SIAE: variants seen among roughly 807,000 people sequenced by gnomAD.
SIAE encodes the protein sialic acid acetylesterase.
SIAE carries 39 observed loss-of-function variants against 52.6 expected under a neutral mutation model. That is an observed-to-expected ratio of 0.74 (90% confidence interval 0.57 to 0.97). The LOEUF is 0.97. Ranked by LOEUF, SIAE falls within the 50% of genes least tolerant of loss-of-function variation. The pLI is 0.00. For synonymous variants in SIAE, 233 were observed against 241.4 expected (o/e 0.97, Z 0.32); for missense variants, 592 against 662.1 (o/e 0.89, Z 1.16).
In SIAE at chr11:124,673,734, A is replaced by G. The variant is rs1249549428; in HGVS notation, c.-26T>C. ...GCTTGCAAGGATCTGACCGCCGCCT[A>G]GGACTGGGAAAGTGGGTTCCCGGCA... On this transcript the variant is annotated 5_prime_UTR_variant, in exon 1 of 10. Transcript: ENST00000263593. 6.8e-6 allele frequency: 11 copies of G among 1,611,124 alleles called. No individual in the cohort carries two copies. Among genetic ancestry groups the G allele is most frequent in the Non-Finnish European group, 9.3e-6 (11 of 1,178,880 alleles).
chr11:124,674,420 C>G (rs1317427470), upstream of SIAE: 1 of 152,262 alleles, frequency 6.6e-6, no homozygotes, highest in Non-Finnish European at 1.5e-5. Context: ...CCGTCCAGTT[C>G]TCCCAACCTG....
At chr11:124,641,478 A>AAT (rs1229100119) in intron 7 of SIAE, among the ~76,000 whole-genome samples, 2 of 152,348 alleles carry the variant, frequency 1.3e-5, no homozygotes, top group Middle Eastern at 3.4e-3. Context: ...TGTATTAAAC[A>AAT]ATAAAGAACC....
Position 124,648,086 on chromosome 11 carries a change from T to G in SIAE, c.812A>C (p.Lys271Thr). 6.2e-7 allele frequency: 1 copy of G among 1,613,762 alleles called. No individual in the cohort carries two copies. Among genetic ancestry groups the G allele is most frequent in the Non-Finnish European group, 8.5e-7 (1 of 1,179,684 alleles). ...CTTACCCTGGTACCATACTACCCCT[T>G]TCAGAGTCATATTGCACAGTGGATG... Reference protein sequence around the residue: ...MIHPLCNMTLKGVVWYQGESN... With the variant: ...MIHPLCNMTLTGVVWYQGESN... The change falls in exon 6 of 10, where the codon AAA (lysine) becomes ACA (threonine). Residue 271 changes from lysine to threonine, a missense_variant. By Grantham distance (78) the Lys-to-Thr change is moderately conservative. Coordinates refer to ENST00000263593, the MANE Select transcript of SIAE (RefSeq NM_170601.5).
At chr11:124,641,750 G>C (rs1007482951) in intron 7 of SIAE, among the ~76,000 whole-genome samples, 4 of 152,102 alleles carry the variant, frequency 2.6e-5, no homozygotes, top group Non-Finnish European at 5.9e-5. Context: ...CCTGAGGTCA[G>C]GAGTTCAAGA....
At chr11:124,658,127 C>G (rs978622126) in intron 3 of SIAE, among the ~76,000 whole-genome samples, 1 of 152,126 alleles carries the variant, frequency 6.6e-6, no homozygotes, top group Non-Finnish European at 1.5e-5. Flanking sequence ...ATTTTGTAAC[C>G]TTTATACCAC....
At chr11:124,661,025 A>G (rs1424701559) in intron 2 of SIAE, among the ~76,000 whole-genome samples, 3 of 152,228 alleles carry the variant, frequency 2.0e-5, no homozygotes, top group African/African-American at 7.2e-5. Flanking sequence ...AAGCATTTAC[A>G]AAAAAAGTAA....
rs1942741287 is a variant in SIAE, at chr11:124,636,424, A to C, written c.*527T>G. ...TTTTGAATGGAAAGTTCATAGAGAG[A>C]TTCAGTAACCACCTGTCAGGAATTT... On this transcript the variant is annotated 3_prime_UTR_variant, in exon 10 of 10. Transcript: ENST00000263593. The C allele has an allele frequency of 6.1e-6, 1 of 163,230 alleles. No homozygotes were observed. The highest frequency in any genetic ancestry group is 1.6e-4 in the East Asian group (1 of 6,066). The allele number at this position is 163,230 out of a possible 1,614,324, so 10.1% of individuals were successfully genotyped here.
chr11:124,665,812 C>T lies in SIAE; in HGVS notation c.229+3548G>A, dbSNP rs143751229. Among the ~76,000 whole-genome samples, 999 of 152,072 alleles carry T rather than the reference C, an allele frequency of 6.6e-3. 14 individuals carry two copies. Among genetic ancestry groups the T allele is most frequent in the African/African-American group, 0.023 (941 of 41,480 alleles). On this transcript the variant is annotated intron_variant, in intron 2 of 9. Coordinates refer to ENST00000263593, the MANE Select transcript of SIAE (RefSeq NM_170601.5). ...CCAGCCTGGGTGACAGAGCAAGACT[C>T]CATCTCAAAAGAAAAAAAGAGAAAA...
In SIAE at chr11:124,649,684, G is replaced by C. The variant is rs775800564; in HGVS notation, c.657C>G (p.Gly219=). The C allele has an allele frequency of 6.2e-7, 1 of 1,614,158 alleles. No homozygotes were observed. Among genetic ancestry groups the C allele is most frequent in the Non-Finnish European group, 8.5e-7 (1 of 1,180,030 alleles). The change falls in exon 5 of 10, where the codon GGC becomes GGG. Residue 219 remains glycine (G), a synonymous_variant. Coordinates refer to ENST00000263593, the MANE Select transcript of SIAE (RefSeq NM_170601.5). ...ATGACCAGGCTTCAATGGGTGTCCCGCCCCAGCTGGAGGCGATCAGCCCGA... is the reference window on the plus strand; with the variant it reads ...ATGACCAGGCTTCAATGGGTGTCCCCCCCCAGCTGGAGGCGATCAGCCCGA... ...YPIGLIASSW[G]GTPIEAWSSG...
At chr11:124,668,050 A>G (rs1347615041) in intron 2 of SIAE, among the ~76,000 whole-genome samples, 1 of 152,140 alleles carries the variant, frequency 6.6e-6, no homozygotes, top group African/African-American at 2.4e-5. Context: ...CTGTTTAAAA[A>G]TCTGTCCGTT....
rs530237382 is a variant in SIAE, at chr11:124,647,656, C to T, written c.833-158G>A. Among the ~76,000 whole-genome samples, 5 of 152,090 alleles carry T rather than the reference C, an allele frequency of 3.3e-5. No individual in the cohort carries two copies. The East Asian group carries it at 7.7e-4, about 23-fold the overall frequency. ...CAGTGGGGCATCAGCAAATGTGGTA[C>T]GAACAGAGGCTTGAAAAGTACTTCA... On this transcript the variant is annotated intron_variant, in intron 6 of 9. Transcript: ENST00000263593.
At chr11:124,656,856 C>T (rs1276919560) in intron 3 of SIAE, among the ~76,000 whole-genome samples, 1 of 152,206 alleles carries the variant, frequency 6.6e-6, no homozygotes, top group Non-Finnish European at 1.5e-5. Context: ...GCTGCCACAG[C>T]AGTGAGAGGC....
intron 1 of SIAE, among the ~76,000 whole-genome samples, chr11:124,673,391 G>A (rs550657218): frequency 1.3e-5 from 2 of 152,306 alleles, no homozygotes; most frequent in South Asian, 4.2e-4. Context: ...CAGACAAGCC[G>A]CACTTTCTCC....
intron 2 of SIAE, among the ~76,000 whole-genome samples, chr11:124,667,686 T>C (rs1943291598): frequency 1.3e-5 from 2 of 152,270 alleles, no homozygotes; most frequent in South Asian, 4.1e-4. Flanking sequence ...AGCCTCCTCA[T>C]CTGTCTCATT....
At position 124,636,737 on chromosome 11, in the gene SIAE, C is replaced by A. The variant is rs556747562; in HGVS notation, c.*214G>T. 102 of 645,870 alleles carry A rather than the reference C, an allele frequency of 1.6e-4. No homozygotes were observed. In the African/African-American group the frequency reaches 1.7e-3, roughly 10 times the overall value. The allele number at this position is 645,870 out of a possible 1,614,324, so 40.0% of individuals were successfully genotyped here. A position where few individuals can be genotyped will look rare whatever the true frequency, so the allele number is the denominator to read the frequency against. ...TAGTTCAGAATTAGTCCAATACAGACCCTTAGACCAACTAGGGAACAAAAA... is the reference window on the plus strand; with the variant it reads ...TAGTTCAGAATTAGTCCAATACAGAACCTTAGACCAACTAGGGAACAAAAA... On this transcript the variant is annotated 3_prime_UTR_variant, in exon 10 of 10. Transcript: ENST00000263593.
chr11:124,652,859 G>T (rs1296790042), intron 4 of SIAE, among the ~76,000 whole-genome samples: 1 of 151,670 alleles, frequency 6.6e-6, no homozygotes, highest in African/African-American at 2.4e-5. Context: ...ACTTCCTATT[G>T]CCTCCCTTCC....
intron 3 of SIAE, among the ~76,000 whole-genome samples, chr11:124,657,548 C>T (rs1943120850): frequency 6.6e-6 from 1 of 152,240 alleles, no homozygotes; most frequent in Admixed American, 6.5e-5. Flanking sequence ...CCGTTGCTAA[C>T]ACTGTAGAGT....
chr11:124,673,584 G>A (rs1055526736), intron 1 of SIAE, 58 bp downstream of exon 1: 1 of 1,574,070 alleles, frequency 6.4e-7, no homozygotes, highest in Non-Finnish European at 8.7e-7. Flanking sequence ...GAGGACACGG[G>A]GTCTCGGAGC....
At chr11:124,658,139 T>A (rs1378116669) in intron 3 of SIAE, among the ~76,000 whole-genome samples, 4 of 152,106 alleles carry the variant, frequency 2.6e-5, no homozygotes, top group Non-Finnish European at 5.9e-5. Flanking sequence ...TTATACCACA[T>A]TCTTGAATTA....
Sources: gnomAD v4.1 joint callset for allele counts (sites outside exome capture counted in the v4.1 genomes callset) on GRCh38, gnomAD v4.1.1 for gene constraint, MANE v1.5 for transcripts, NCBI Gene and HGNC (gene_info 2026-07-23, HGNC 2026-07-21) for gene names.